The following TCF4 variants were observed in gnomAD, a reference collection of about 807,000 sequenced individuals.
The protein encoded by TCF4 is SL3-3 enhancer factor 2.
In TCF4, 3 loss-of-function variants were observed where a neutral mutation model predicts 82.1. The observed-to-expected ratio is 0.04, with a 90% confidence interval of 0.02 to 0.09. The LOEUF (loss-of-function observed/expected upper bound fraction) is 0.09. Ranked by LOEUF, TCF4 falls within the 10% of genes least tolerant of loss-of-function variation. The probability of loss-of-function intolerance (pLI) is 1.00; values close to 1 mark genes in which losing one functional copy is unlikely to be tolerated. For synonymous variants in TCF4, 276 were observed against 309.6 expected (o/e 0.89, Z 1.14); for missense variants, 518 against 852.7 (o/e 0.61, Z 4.89).
At chr18:55,357,219 T>C (rs2145039926) in intron 6 of TCF4, among the ~76,000 whole-genome samples, 1 of 152,288 alleles carries the variant, frequency 6.6e-6, no homozygotes, top group East Asian at 1.9e-4. Context: ...AGGTCATCTA[T>C]TATATATTAA....
At chr18:55,368,214 C>T (rs911928661) in intron 6 of TCF4, among the ~76,000 whole-genome samples, 4 of 152,008 alleles carry the variant, frequency 2.6e-5, no homozygotes, top group Non-Finnish European at 4.4e-5. Context: ...GGAGAAACCC[C>T]GACTCTACTA....
intron 8 of TCF4, among the ~76,000 whole-genome samples, chr18:55,326,955 C>G (rs1374373274): frequency 6.6e-6 from 1 of 152,060 alleles, no homozygotes; most frequent in Non-Finnish European, 1.5e-5. Flanking sequence ...ATGAGTACAA[C>G]TTCATAAAAG....
At chr18:55,465,886 G>A (rs1333545043) in intron 3 of TCF4, among the ~76,000 whole-genome samples, 1 of 152,086 alleles carries the variant, frequency 6.6e-6, no homozygotes, top group Non-Finnish European at 1.5e-5. Context: ...TTCTCCTCTT[G>A]AATTTGGCCA....
At chr18:55,228,414 A>T in intron 18 of TCF4, 53 bp from the exon 19 acceptor site, 1 of 1,608,282 alleles carries the variant, frequency 6.2e-7, no homozygotes, top group Non-Finnish European at 8.5e-7. Context: ...CTTCTGGCAG[A>T]GGGCAGCAAT....
intron 5 of TCF4, among the ~76,000 whole-genome samples, chr18:55,412,231 G>A (rs2094376132): frequency 6.6e-6 from 1 of 152,044 alleles, no homozygotes; most frequent in Admixed American, 6.6e-5. Flanking sequence ...TTTTTTAAAA[G>A]ACAAGGACTT....
intron 1 of TCF4, among the ~76,000 whole-genome samples, chr18:55,634,207 T>C (rs1425723358): frequency 6.6e-6 from 1 of 152,014 alleles, no homozygotes; most frequent in Non-Finnish European, 1.5e-5. Flanking sequence ...AGGTGGAGGT[T>C]GCAGTGAGCC....
At chr18:55,455,085 G>T (rs1341405225) in intron 5 of TCF4, among the ~76,000 whole-genome samples, 1 of 150,142 alleles carries the variant, frequency 6.7e-6, no homozygotes, top group Non-Finnish European at 1.5e-5. Context: ...TGCTCAGCAG[G>T]CTAAGGTGGG....
intron 5 of TCF4, among the ~76,000 whole-genome samples, chr18:55,410,668 T>C (rs1303581633): frequency 6.6e-6 from 1 of 152,046 alleles, no homozygotes; most frequent in East Asian, 1.9e-4. Flanking sequence ...GTACCAAGGC[T>C]TTCCCACAAT....
intron 5 of TCF4, among the ~76,000 whole-genome samples, chr18:55,437,993 G>A (rs570518353): frequency 2.0e-5 from 3 of 152,100 alleles, no homozygotes; most frequent in Non-Finnish European, 4.4e-5. Flanking sequence ...TTGAGGTCAG[G>A]AGTTTGAGAC....
intron 6 of TCF4, among the ~76,000 whole-genome samples, chr18:55,377,421 C>T (rs965030218): frequency 1.6e-4 from 25 of 152,212 alleles, no homozygotes; most frequent in Admixed American, 1.3e-3. Context: ...CTAATGGACA[C>T]GTTTTTCTTG....
upstream of TCF4, among the ~76,000 whole-genome samples, chr18:55,592,585 CACAA>C (rs988084076): frequency 1.3e-5 from 2 of 152,134 alleles, no homozygotes; most frequent in African/African-American, 4.8e-5. Context: ...TTGGAGGAGA[CACAA>C]ACATTCAGTT....
chr18:55,278,621 T>C lies in TCF4; in HGVS notation c.655+930A>G, dbSNP rs542348362. 1.3e-4 allele frequency among the ~76,000 whole-genome samples: 20 copies of C among 152,306 alleles called. 1 individual carries two copies. The highest frequency in any genetic ancestry group is 3.4e-3 in the Middle Eastern group (1 of 294). ...TCTCGCTCTGTTGCCCAGGCTGGAGTGCAGTGGTGCAATCTCAGCTCACTG... is the reference window on the plus strand; with the variant it reads ...TCTCGCTCTGTTGCCCAGGCTGGAGCGCAGTGGTGCAATCTCAGCTCACTG... On this transcript the variant is annotated intron_variant, in intron 9 of 19. Coordinates refer to ENST00000354452, the MANE Select transcript of TCF4 (RefSeq NM_001083962.2).
At chr18:55,336,984 T>C (rs2078779228) in intron 8 of TCF4, among the ~76,000 whole-genome samples, 2 of 152,176 alleles carry the variant, frequency 1.3e-5, no homozygotes, top group African/African-American at 4.8e-5. Context: ...CTTATGGTGA[T>C]TCTCGAAATT....
chr18:55,485,494 T>C lies in TCF4; in HGVS notation c.146-21357A>G, dbSNP rs150236195. Among the ~76,000 whole-genome samples, 910 of 152,264 alleles carry C rather than the reference T, an allele frequency of 6.0e-3. 10 individuals are homozygous for C. The highest frequency in any genetic ancestry group is 0.021 in the African/African-American group (866 of 41,546). ...ACAGAAGCATCATTTTCAGGAAATG[T>C]ATAAGTTACATGCTGCATAATTCCC... On this transcript the variant is annotated intron_variant, in intron 3 of 19. Transcript: ENST00000354452.
intron 5 of TCF4, among the ~76,000 whole-genome samples, chr18:55,445,121 T>G (rs1374622916): frequency 6.6e-6 from 1 of 152,178 alleles, no homozygotes; most frequent in African/African-American, 2.4e-5. Context: ...GTGTCCTAAA[T>G]CATAAATCAT....
intron 9 of TCF4, among the ~76,000 whole-genome samples, chr18:55,277,446 T>C (rs1240566928): frequency 6.6e-6 from 1 of 152,216 alleles, no homozygotes; most frequent in Admixed American, 6.5e-5. Context: ...CTCTGCTTGA[T>C]GCAGACTTAT....
chr18:55,569,341 T>C (rs986383833), intron 3 of TCF4, among the ~76,000 whole-genome samples: 1 of 151,954 alleles, frequency 6.6e-6, no homozygotes, highest in African/African-American at 2.4e-5. Context: ...TTAGAACTAA[T>C]AAGAGAGCTC....
chr18:55,323,598 A>G (rs2076076579), intron 8 of TCF4, among the ~76,000 whole-genome samples: 1 of 152,210 alleles, frequency 6.6e-6, no homozygotes, highest in Admixed American at 6.5e-5. Context: ...ATTTCATTCA[A>G]ATTTCATGCT....
intron 6 of TCF4, among the ~76,000 whole-genome samples, chr18:55,367,198 G>C (rs1292221675): frequency 2.6e-5 from 4 of 152,170 alleles, no homozygotes; most frequent in Non-Finnish European, 5.9e-5. Context: ...TAGACCAGCT[G>C]TGTACATGTG....
Sources: allele counts gnomAD v4.1 joint callset (sites outside exome capture counted in the v4.1 genomes callset), GRCh38; gene constraint gnomAD v4.1.1; transcripts MANE v1.5; gene names NCBI Gene and HGNC (gene_info 2026-07-23, HGNC 2026-07-21).